NECTIN2: variants seen among roughly 807,000 people sequenced by gnomAD.
NECTIN2 encodes the protein nectin-2.
In NECTIN2, 23 loss-of-function variants were observed where a neutral mutation model predicts 56.9. That is an observed-to-expected ratio of 0.40 (90% CI 0.29 to 0.57). The LOEUF is 0.57. NECTIN2 is among the 20% of genes least tolerant of loss of function. The pLI is 0.38. For missense variants in NECTIN2, 587 were observed against 718.3 expected (o/e 0.82, Z 2.09); for synonymous variants, 302 against 313.8 (o/e 0.96, Z 0.40).
intron 5 of NECTIN2, chr19:44,878,633 CAGAG>C (rs764899137): frequency 6.3e-7 from 1 of 1,575,236 alleles, no homozygotes; most frequent in Non-Finnish European, 8.6e-7. Flanking sequence ...TGGACACAGA[CAGAG>C]ACAGAGCCAG....
chr19:44,870,566 T>TA (rs148697637), intron 2 of NECTIN2, among the ~76,000 whole-genome samples: 6,399 of 151,686 alleles, frequency 0.042, 434 homozygotes, highest in African/African-American at 0.14. Context: ...GGAAAGGGTA[T>TA]AAAAAAAAGA....
chr19:44,852,678 G>A (rs1431405467), intron 1 of NECTIN2, among the ~76,000 whole-genome samples: 1 of 152,152 alleles, frequency 6.6e-6, no homozygotes, highest in East Asian at 1.9e-4. Flanking sequence ...GGAAGTGGCA[G>A]TGGATTAGAC....
chr19:44,873,636 A>C (rs112484236), intron 3 of NECTIN2, among the ~76,000 whole-genome samples: 36 of 149,870 alleles, frequency 2.4e-4, no homozygotes, highest in African/African-American at 3.9e-4. Flanking sequence ...CTGTCTCAAA[A>C]ACACACACAC....
At chr19:44,853,527 C>T (rs1968927158) in intron 1 of NECTIN2, among the ~76,000 whole-genome samples, 2 of 146,022 alleles carry the variant, frequency 1.4e-5, no homozygotes, top group African/African-American at 5.1e-5. Context: ...CTCACTCTGT[C>T]CCCCAGGCTG....
intron 1 of NECTIN2, among the ~76,000 whole-genome samples, chr19:44,862,779 C>T (rs1969048205): frequency 1.3e-5 from 2 of 151,968 alleles, no homozygotes; most frequent in Admixed American, 1.3e-4. Flanking sequence ...CTTTGGGAGG[C>T]CGACACGGGT....
chr19:44,888,068 G>T, intron 8 of NECTIN2, 42 bp from the exon 9 acceptor site: 2 of 1,589,890 alleles, frequency 1.3e-6, no homozygotes, highest in Non-Finnish European at 1.7e-6. Flanking sequence ...TGTGTCGTGC[G>T]TAGGAAGTGA....
At chr19:44,858,890 G>A (rs1969000741) in intron 1 of NECTIN2, among the ~76,000 whole-genome samples, 1 of 152,000 alleles carries the variant, frequency 6.6e-6, no homozygotes, top group South Asian at 2.1e-4. Flanking sequence ...TGAGCCTCCT[G>A]CCTCGGCCTC....
chr19:44,880,928 A>T (rs1218555873), intron 5 of NECTIN2, among the ~76,000 whole-genome samples: 1 of 151,860 alleles, frequency 6.6e-6, no homozygotes, highest in Non-Finnish European at 1.5e-5. Context: ...GCGCGCTAGC[A>T]TGCCCAGCTA....
At chr19:44,861,707 C>T (rs1332193846) in intron 1 of NECTIN2, among the ~76,000 whole-genome samples, 4 of 152,260 alleles carry the variant, frequency 2.6e-5, no homozygotes, top group African/African-American at 9.6e-5. Flanking sequence ...ACAGACACTT[C>T]TCAAAATAAG....
rs561860885 is a variant in NECTIN2, at chr19:44,889,026, G to T, written c.*647G>T. The T allele has an allele frequency of 6.7e-6, 1 of 148,816 alleles. No homozygotes were observed. The highest frequency in any genetic ancestry group is 2.5e-5 in the African/African-American group (1 of 40,382). 9.2% of individuals were successfully genotyped at this position (148,816 alleles called of 1,614,324 possible). ...GGTCAGACAGGGTGAGCCTCATACA[G>T]ACTGTGCCTTGATGGCCCCAGCCTT... is the stretch of plus-strand genomic sequence containing the variant. On this transcript the variant is annotated 3_prime_UTR_variant, in exon 9 of 9. Transcript: ENST00000252483.
At chr19:44,868,689 G>A (rs933665858) in intron 2 of NECTIN2, among the ~76,000 whole-genome samples, 3 of 149,468 alleles carry the variant, frequency 2.0e-5, no homozygotes, top group Non-Finnish European at 4.5e-5. Context: ...CGAGGCGGGC[G>A]GATCACGAGG....
At chr19:44,856,012 A>G in intron 1 of NECTIN2, among the ~76,000 whole-genome samples, 1 of 152,184 alleles carries the variant, frequency 6.6e-6, no homozygotes, top group Non-Finnish European at 1.5e-5. Context: ...TTAAAATTTT[A>G]AATCCTGGTG....
At chr19:44,871,425 G>C (rs1306384594) in intron 2 of NECTIN2, among the ~76,000 whole-genome samples, 1 of 152,118 alleles carries the variant, frequency 6.6e-6, no homozygotes, top group Non-Finnish European at 1.5e-5. Context: ...CTACTCTGGA[G>C]GCCAAGGCGG....
chr19:44,853,343 C>G (rs542533168), intron 1 of NECTIN2, among the ~76,000 whole-genome samples: 1 of 151,920 alleles, frequency 6.6e-6, no homozygotes, highest in African/African-American at 2.4e-5. Flanking sequence ...ACTACAGGGG[C>G]CTGCCACCAC....
chr19:44,886,231 T>C lies in NECTIN2; in HGVS notation c.1347+12T>C, dbSNP rs1159995626. 25 of 1,603,262 alleles carry C rather than the reference T, an allele frequency of 1.6e-5. 1 individual carries two copies. Among genetic ancestry groups the C allele is most frequent in the South Asian group, 3.3e-5 (3 of 90,768 alleles). On this transcript the variant is annotated intron_variant, in intron 8 of 8. Transcript: ENST00000252483. ...CATGCACTGAGCAGGTAGGAGCTCATGGGAAGACAAAGGTGGGTTGGGGGT... is the reference window on the plus strand; with the variant it reads ...CATGCACTGAGCAGGTAGGAGCTCACGGGAAGACAAAGGTGGGTTGGGGGT...
At chr19:44,880,077 T>C (rs1969290845) in intron 5 of NECTIN2, among the ~76,000 whole-genome samples, 1 of 152,214 alleles carries the variant, frequency 6.6e-6, no homozygotes, top group Admixed American at 6.5e-5. Flanking sequence ...CAGCGTCCTC[T>C]GGAAGCTTCC....
intron 1 of NECTIN2, among the ~76,000 whole-genome samples, chr19:44,859,101 G>A (rs1306183117): frequency 6.6e-6 from 1 of 152,178 alleles, no homozygotes; most frequent in Non-Finnish European, 1.5e-5. Context: ...GTTCCTGTGT[G>A]TATGACGCCA....
intron 1 of NECTIN2, among the ~76,000 whole-genome samples, chr19:44,856,462 T>C (rs1275941224): frequency 6.6e-6 from 1 of 152,150 alleles, no homozygotes; most frequent in Non-Finnish European, 1.5e-5. Context: ...TGAAGTTAAG[T>C]CATTCTCTAT....
chr19:44,864,634 C>T (rs1969074834), intron 1 of NECTIN2, among the ~76,000 whole-genome samples: 1 of 152,140 alleles, frequency 6.6e-6, no homozygotes, highest in Non-Finnish European at 1.5e-5. Flanking sequence ...TCCTGGCTAA[C>T]ACAGTGAAAC....
Sources: allele counts gnomAD v4.1 joint callset (sites outside exome capture counted in the v4.1 genomes callset), GRCh38; gene constraint gnomAD v4.1.1; transcripts MANE v1.5; gene names NCBI Gene and HGNC (gene_info 2026-07-23, HGNC 2026-07-21).